The following NR5A2 variants were observed in gnomAD, a reference collection of about 807,000 sequenced individuals.
NR5A2 encodes the protein nuclear receptor subfamily 5 group A member 2.
Under a neutral mutation model 62.7 loss-of-function variants are expected in NR5A2, and 26 were observed. The observed-to-expected ratio is 0.41, with a 90% confidence interval of 0.30 to 0.58. NR5A2 has a LOEUF of 0.58. Ranked by LOEUF, NR5A2 falls within the 20% of genes least tolerant of loss-of-function variation. The pLI is 0.22. For synonymous variants in NR5A2, 246 were observed against 241.7 expected (o/e 1.02, Z -0.16); for missense variants, 541 against 669.1 (o/e 0.81, Z 2.11).
chr1:200,092,923 G>A (rs934162146), intron 5 of NR5A2, among the ~76,000 whole-genome samples: 2 of 112,986 alleles, frequency 1.8e-5, no homozygotes, highest in African/African-American at 3.5e-5. Flanking sequence ...TCACTCTCTC[G>A]CCCAGGCTGG....
chr1:200,121,140 G>T (rs1339254762), intron 7 of NR5A2, among the ~76,000 whole-genome samples, 185 bp downstream of exon 7: 1 of 152,132 alleles, frequency 6.6e-6, no homozygotes, highest in African/African-American at 2.4e-5. Context: ...GCCCTTCAGT[G>T]GATACGTTGG....
At chr1:200,062,003 T>C (rs2102197347) in intron 5 of NR5A2, among the ~76,000 whole-genome samples, 1 of 152,310 alleles carries the variant, frequency 6.6e-6, no homozygotes, top group South Asian at 2.1e-4. Flanking sequence ...AAAGGACGGA[T>C]ACAGATTTCT....
intron 6 of NR5A2, among the ~76,000 whole-genome samples, chr1:200,116,875 AGG>A (rs1666244613): frequency 6.6e-6 from 1 of 152,212 alleles, no homozygotes; most frequent in Non-Finnish European, 1.5e-5. Flanking sequence ...AAGTGGGGTC[AGG>A]TTTTAGTATT....
At chr1:200,109,547 GTGTT>G (rs1665841687) in intron 5 of NR5A2, among the ~76,000 whole-genome samples, 1 of 152,134 alleles carries the variant, frequency 6.6e-6, no homozygotes, top group Non-Finnish European at 1.5e-5. Context: ...TTTTTGCTCT[GTGTT>G]TGGTGGTTTC....
chr1:200,074,185 C>T (rs1054473015), intron 5 of NR5A2, among the ~76,000 whole-genome samples: 1 of 152,048 alleles, frequency 6.6e-6, no homozygotes, highest in Non-Finnish European at 1.5e-5. Context: ...ATGAATATTA[C>T]AGATCTAGTT....
chr1:200,052,697 A>C (rs1469903171), intron 5 of NR5A2, among the ~76,000 whole-genome samples: 1 of 151,356 alleles, frequency 6.6e-6, no homozygotes, highest in East Asian at 1.9e-4. Context: ...GTTGGAGTGC[A>C]GTGGTGCGAT....
intron 5 of NR5A2, among the ~76,000 whole-genome samples, chr1:200,091,424 G>A (rs1019423176): frequency 6.6e-6 from 1 of 151,900 alleles, no homozygotes; most frequent in African/African-American, 2.4e-5. Flanking sequence ...GGCCACTGGT[G>A]GAGCCTGTTT....
chr1:200,078,440 A>G (rs1394781761), intron 5 of NR5A2, among the ~76,000 whole-genome samples: 2 of 152,214 alleles, frequency 1.3e-5, no homozygotes, highest in Non-Finnish European at 2.9e-5. Context: ...AGAAAAGACA[A>G]TGGGCCTAGG....
chr1:200,066,784 C>T (rs1422612212), intron 5 of NR5A2, among the ~76,000 whole-genome samples: 2 of 152,054 alleles, frequency 1.3e-5, no homozygotes, highest in Non-Finnish European at 2.9e-5. Context: ...GACAGGGTTT[C>T]ACCATGTTGG....
intron 7 of NR5A2, among the ~76,000 whole-genome samples, chr1:200,150,598 A>G (rs771943539): frequency 6.6e-6 from 1 of 152,202 alleles, no homozygotes; most frequent in Non-Finnish European, 1.5e-5. Flanking sequence ...TAATTGTTTT[A>G]GAGTTAACCC....
chr1:200,171,014 T>C lies in NR5A2; in HGVS notation c.1379-2949T>C, dbSNP rs539989362. ...GTGTATTCCCTGGGGATGGCTGAACTAAAGCATATCCCTTATCCCCAGGAG... is the reference window on the plus strand; with the variant it reads ...GTGTATTCCCTGGGGATGGCTGAACCAAAGCATATCCCTTATCCCCAGGAG... On this transcript the variant is annotated intron_variant, in intron 7 of 7. Coordinates refer to ENST00000367362, the MANE Select transcript of NR5A2 (RefSeq NM_205860.3). 2.0e-5 allele frequency among the ~76,000 whole-genome samples: 3 copies of C among 152,274 alleles called. No homozygotes were observed. The East Asian group carries it at 5.8e-4, about 29-fold the overall frequency.
At chr1:200,049,815 C>T (rs978460574) in intron 5 of NR5A2, among the ~76,000 whole-genome samples, 1 of 152,146 alleles carries the variant, frequency 6.6e-6, no homozygotes, top group African/African-American at 2.4e-5. Context: ...AAATGCAAAG[C>T]CGACTTTTAA....
chr1:200,170,100 G>GT (rs890889868), intron 7 of NR5A2, among the ~76,000 whole-genome samples: 1 of 151,974 alleles, frequency 6.6e-6, no homozygotes, highest in Non-Finnish European at 1.5e-5. Context: ...CTAGATTTTG[G>GT]TTTTTTTAAT....
chr1:200,048,682 A>G lies in NR5A2; in HGVS notation c.974A>G (p.Tyr325Cys), dbSNP rs767688677. ...EPQVQAKIMA[Y>C]LQQEQANRSK... ...CAAGTCCAGGCTAAAATCATGGCCT[A>G]TTTGCAGCAAGAGCAGGCTAACCGA... Residue 325 changes from tyrosine to cysteine, a missense_variant, in exon 5 of 8, where the codon TAT (tyrosine) becomes TGT (cysteine). Coordinates refer to ENST00000367362, the MANE Select transcript of NR5A2 (RefSeq NM_205860.3). The surrounding 1 kb of genome is among the most constrained non-coding windows in gnomAD (Gnocchi z 4.8). 7 of 1,614,194 alleles carry G rather than the reference A, an allele frequency of 4.3e-6. No homozygotes were observed. The Admixed American group carries it at 6.7e-5, about 15-fold the overall frequency.
At chr1:200,152,664 T>C (rs1201357839) in intron 7 of NR5A2, among the ~76,000 whole-genome samples, 1 of 152,244 alleles carries the variant, frequency 6.6e-6, no homozygotes, top group Non-Finnish European at 1.5e-5. Flanking sequence ...ATTTAAATGA[T>C]AAAATTTTCA....
In NR5A2 at chr1:200,039,027, A is replaced by C; in HGVS notation, c.65-631A>C. 6.8e-6 allele frequency among the ~76,000 whole-genome samples: 1 copy of C among 147,336 alleles called. No homozygotes were observed. Among genetic ancestry groups the C allele is most frequent in the East Asian group, 2.0e-4 (1 of 5,006 alleles). On this transcript the variant is annotated intron_variant, in intron 1 of 7. Coordinates refer to ENST00000367362, the MANE Select transcript of NR5A2 (RefSeq NM_205860.3). The surrounding 1 kb of genome is among the most constrained non-coding windows in gnomAD (Gnocchi z 5.1). The stretch of plus-strand genomic sequence containing the variant: ...CCTCGTCTTCCCCCCTGTCCTTCCC[A>C]GCACCGTCACCCTCGGGGCTGGGAA...
At chr1:200,111,854 C>A (rs574915016) in intron 6 of NR5A2, among the ~76,000 whole-genome samples, 3 of 152,138 alleles carry the variant, frequency 2.0e-5, no homozygotes, top group African/African-American at 7.2e-5. Flanking sequence ...ACTGTTAGGT[C>A]CTACACCTTT....
At chr1:200,081,862 G>A (rs2247328) in intron 5 of NR5A2, among the ~76,000 whole-genome samples, 107,643 of 150,594 alleles carry the variant, frequency 0.71, 39,112 homozygotes, top group African/African-American at 0.85. Flanking sequence ...AGGTCTCCCT[G>A]ACACTTTGTA....
intron 7 of NR5A2, among the ~76,000 whole-genome samples, chr1:200,124,232 G>A (rs1410555575): frequency 6.6e-6 from 1 of 152,182 alleles, no homozygotes; most frequent in Non-Finnish European, 1.5e-5. Flanking sequence ...GCTTCTGGAT[G>A]TCTAGCTGGA....
Sources: allele counts gnomAD v4.1 joint callset (sites outside exome capture counted in the v4.1 genomes callset), GRCh38; gene constraint gnomAD v4.1.1; non-coding constraint Gnocchi (gnomAD v3.1); transcripts MANE v1.5; gene names NCBI Gene and HGNC (gene_info 2026-07-23, HGNC 2026-07-21).